Variants in PCDHGB4 observed in about 807,000 individuals in gnomAD.
PCDHGB4 encodes protocadherin gamma subfamily B, 4.
PCDHGB4 carries 38 observed loss-of-function variants against 60.5 expected under a neutral mutation model. The ratio of observed to expected loss-of-function variants is 0.63; its 90% confidence interval spans 0.48 to 0.82. The LOEUF (loss-of-function observed/expected upper bound fraction) is 0.82, where lower values mean the gene tolerates loss of function less well. PCDHGB4 is among the 40% of genes least tolerant of loss of function. The pLI, the probability that PCDHGB4 is intolerant of heterozygous loss-of-function variation, is 0.00. For synonymous variants in PCDHGB4, 456 were observed against 509.7 expected (o/e 0.89, Z 1.42); for missense variants, 1,109 against 1,209.6 (o/e 0.92, Z 1.23).
At chr5:141,414,059 A>C (rs1008514691) in intron 1 of PCDHGB4, 1 of 1,609,440 alleles carries the variant, frequency 6.2e-7, no homozygotes, top group East Asian at 2.2e-5. Flanking sequence ...CAATTGTTGA[A>C]GTTCCAACTA....
intron 1 of PCDHGB4, among the ~76,000 whole-genome samples, chr5:141,425,504 T>A (rs1049969153): frequency 2.6e-5 from 4 of 152,260 alleles, no homozygotes; most frequent in Non-Finnish European, 5.9e-5. Flanking sequence ...TACCTTTATA[T>A]TCTCTTTATG....
Position 141,496,029 on chromosome 5 carries a change from C to T in PCDHGB4, c.2456+1164C>T, listed in dbSNP as rs548231443. ...TTGTCTTTTTTCTCTGAGCCTCTGTCTCTGTCTCTCATTTTTTTGTGCTTG... is the reference window on the plus strand; with the variant it reads ...TTGTCTTTTTTCTCTGAGCCTCTGTTTCTGTCTCTCATTTTTTTGTGCTTG... On this transcript the variant is annotated intron_variant, in intron 2 of 3. Coordinates refer to ENST00000519479, the MANE Select transcript of PCDHGB4 (RefSeq NM_003736.4). Among the ~76,000 whole-genome samples, 3 of 152,088 alleles carry T rather than the reference C, an allele frequency of 2.0e-5. No individual in the cohort carries two copies. In the East Asian group the frequency reaches 5.8e-4, roughly 29 times the overall value.
chr5:141,420,335 A>G (rs2096490280), intron 1 of PCDHGB4: 1 of 1,403,918 alleles, frequency 7.1e-7, no homozygotes, highest in Non-Finnish European at 9.5e-7. Flanking sequence ...ATATTCCAAT[A>G]TAGTGGTATT....
Position 141,399,437 on chromosome 5 carries a change from A to T in PCDHGB4, c.2397+9156A>T, listed in dbSNP as rs780100815. The stretch of plus-strand genomic sequence containing the variant: ...TCCTCCAGCATAAGCGTCATCCTAC[A>T]TATCAGAGACGTCAACGATAACGCT... On this transcript the variant is annotated intron_variant, in intron 1 of 3. Coordinates refer to ENST00000519479, the MANE Select transcript of PCDHGB4 (RefSeq NM_003736.4). 22 of 1,613,998 alleles carry T rather than the reference A, an allele frequency of 1.4e-5. No individual in the cohort carries two copies. The South Asian group carries it at 2.2e-4, about 16-fold the overall frequency.
chr5:141,422,907 G>C (rs1330364637), intron 1 of PCDHGB4: 4 of 1,614,078 alleles, frequency 2.5e-6, no homozygotes, highest in Non-Finnish European at 3.4e-6. Flanking sequence ...ACGACAATGC[G>C]CCCGAGATCC....
rs774898388 is a variant in PCDHGB4, at chr5:141,491,593, A to G, written c.2398-3214A>G. 6.8e-6 allele frequency: 11 copies of G among 1,613,918 alleles called. No individual in the cohort carries two copies. In the Admixed American group the frequency reaches 1.2e-4, roughly 17 times the overall value. Reference sequence around the variant, plus strand: ...GTGCTTTTCACCGGCCTCGGACGGCAGTGACTTCACTTTTCTAAGACCCCT... The same window carrying G: ...GTGCTTTTCACCGGCCTCGGACGGCGGTGACTTCACTTTTCTAAGACCCCT... On this transcript the variant is annotated intron_variant, in intron 1 of 3. Transcript: ENST00000519479. This position sits in a 1 kb window ranked among gnomAD's most constrained non-coding sequence, Gnocchi z 6.9.
intron 1 of PCDHGB4, chr5:141,478,613 G>T: frequency 6.4e-7 from 1 of 1,557,312 alleles, no homozygotes; most frequent in African/African-American, 1.4e-5. Flanking sequence ...ATTGAGGAAG[G>T]AATGGAGCTG....
At chr5:141,428,155 G>A (rs767716956) in intron 1 of PCDHGB4, 7 of 1,581,618 alleles carry the variant, frequency 4.4e-6, no homozygotes, top group East Asian at 2.2e-5. Flanking sequence ...ACGGGAACCT[G>A]CTGGTTGCTG....
chr5:141,408,773 T>C, intron 1 of PCDHGB4: 1 of 1,611,652 alleles, frequency 6.2e-7, no homozygotes, highest in Non-Finnish European at 8.5e-7. Flanking sequence ...TGGTGGCAAA[T>C]ACCCAGAGTT....
intron 1 of PCDHGB4, chr5:141,400,663 A>T: frequency 4.0e-6 from 4 of 995,312 alleles, no homozygotes; most frequent in Non-Finnish European, 6.0e-6. Flanking sequence ...ACCATTCTTT[A>T]AGAGGAGCAG....
rs1428910817 is a variant in PCDHGB4, at chr5:141,390,296, A to G, written c.2397+15A>G. ...CTTCCCATCAGGTGAGTTTCCTTTA[A>G]GTATAATTTAATGCTCATTGCCTAC... On this transcript the variant is annotated intron_variant, in intron 1 of 3. Coordinates refer to ENST00000519479, the MANE Select transcript of PCDHGB4 (RefSeq NM_003736.4). 7 of 1,613,806 alleles carry G rather than the reference A, an allele frequency of 4.3e-6. No individual in the cohort carries two copies. The Admixed American group carries it at 1.2e-4, about 27-fold the overall frequency.
intron 1 of PCDHGB4, chr5:141,419,639 G>A (rs1478835703): frequency 6.2e-7 from 1 of 1,612,442 alleles, no homozygotes; most frequent in African/African-American, 1.3e-5. Flanking sequence ...GGTGGTGGCC[G>A]TGGACGCGGA....
chr5:141,422,056 G>C lies in PCDHGB4; in HGVS notation c.2397+31775G>C, dbSNP rs1003977721. 1.2e-6 allele frequency: 2 copies of C among 1,611,816 alleles called. No individual in the cohort carries two copies. The highest frequency in any genetic ancestry group is 2.7e-5 in the African/African-American group (2 of 74,764). ...GGATCCAGACGAGGGAATCAACGGG[G>C]AAGTAATGTATTCATTTCGGAACAT... On this transcript the variant is annotated intron_variant, in intron 1 of 3. Transcript: ENST00000519479.
rs2154594699 is a variant in PCDHGB4 at position 141,512,507 on chromosome 5, C to T, written c.*1334C>T. 6.5e-6 allele frequency: 1 copy of T among 153,048 alleles called. No individual in the cohort carries two copies. Among genetic ancestry groups the T allele is most frequent in the South Asian group, 2.1e-4 (1 of 4,836 alleles). 9.5% of individuals were successfully genotyped at this position (153,048 alleles called of 1,614,324 possible). ...CACTGCCCAGGTCCCCAGTGCGCCCCCTAGTGGCCATAGCCTGGTTAAAGT... is the reference window on the plus strand; with the variant it reads ...CACTGCCCAGGTCCCCAGTGCGCCCTCTAGTGGCCATAGCCTGGTTAAAGT... On this transcript the variant is annotated 3_prime_UTR_variant, in exon 4 of 4. Transcript: ENST00000519479.
rs1330659052 is a variant in PCDHGB4, at chr5:141,490,012, G to T, written c.2398-4795G>T. On this transcript the variant is annotated intron_variant, in intron 1 of 3. Transcript: ENST00000519479. The surrounding 1 kb of genome is among the most constrained non-coding windows in gnomAD (Gnocchi z 5.4). ...GGGAATCCCAGAGAATGCACCCATT[G>T]GTACTCTGCTGCTCCGCCTCAATGC... The T allele has an allele frequency of 1.2e-6, 2 of 1,614,232 alleles. No homozygotes were observed. Among genetic ancestry groups the T allele is most frequent in the East Asian group, 4.5e-5 (2 of 44,888 alleles).
intron 1 of PCDHGB4, among the ~76,000 whole-genome samples, chr5:141,437,573 G>A (rs923321760): frequency 1.3e-5 from 2 of 152,164 alleles, no homozygotes; most frequent in African/African-American, 4.8e-5. Flanking sequence ...GAGTATAGCT[G>A]TGATCATGAA....
At chr5:141,394,744 T>C (rs755757019) in intron 1 of PCDHGB4, 1 of 1,613,408 alleles carries the variant, frequency 6.2e-7, no homozygotes, top group Non-Finnish European at 8.5e-7. Flanking sequence ...AGCCTCGTGG[T>C]GGCCGTCCAG....
In PCDHGB4 at chr5:141,435,253, G is replaced by A. The variant is rs2097754974; in HGVS notation, c.2397+44972G>A. Among the ~76,000 whole-genome samples the A allele has an allele frequency of 1.3e-5, 2 of 152,064 alleles. 1 individual carries two copies. The highest frequency in any genetic ancestry group is 3.9e-4 in the East Asian group (2 of 5,184). On this transcript the variant is annotated intron_variant, in intron 1 of 3. Transcript: ENST00000519479. ...TTCAGTAATTCTTTCTGGCCATTAG[G>A]GATATGTCCATTTATACTTTCTCAG...
Position 141,431,601 on chromosome 5 carries a change from T to G in PCDHGB4, c.2397+41320T>G. 1 of 1,614,202 alleles carries G rather than the reference T, an allele frequency of 6.2e-7. No homozygotes were observed. Among genetic ancestry groups the G allele is most frequent in the Non-Finnish European group, 8.5e-7 (1 of 1,180,032 alleles). On this transcript the variant is annotated intron_variant, in intron 1 of 3. Transcript: ENST00000519479. The surrounding 1 kb of genome is among the most constrained non-coding windows in gnomAD (Gnocchi z 4.8). Reference sequence around the variant, plus strand: ...GTCAATGCGGAAGTGAGGTATTCCTTCCGGTATGTGGACGACAAGGCGGCC... The same window carrying G: ...GTCAATGCGGAAGTGAGGTATTCCTGCCGGTATGTGGACGACAAGGCGGCC...
Sources: gnomAD v4.1 joint callset for allele counts (sites outside exome capture counted in the v4.1 genomes callset) on GRCh38, gnomAD v4.1.1 for gene constraint, Gnocchi (gnomAD v3.1) non-coding constraint, MANE v1.5 for transcripts, NCBI Gene and HGNC (gene_info 2026-07-23, HGNC 2026-07-21) for gene names.